The following DDX31 variants were observed in gnomAD, a reference collection of about 807,000 sequenced individuals.
The protein encoded by DDX31 is ATP-dependent DNA helicase DDX31.
A neutral mutation model predicts 91.3 loss-of-function variants in DDX31; 70 were observed. The observed-to-expected ratio is 0.77, with a 90% CI of 0.63 to 0.94. DDX31 has a LOEUF of 0.94. Ranked by LOEUF, DDX31 falls within the 40% of genes least tolerant of loss-of-function variation. DDX31 has a pLI of 0.00. For missense variants in DDX31, 902 were observed against 925.0 expected (o/e 0.98, Z 0.32); for synonymous variants, 362 against 350.6 (o/e 1.03, Z -0.36).
At chr9:132,606,967 G>C (rs1831065023) in intron 19 of DDX31, among the ~76,000 whole-genome samples, 1 of 152,184 alleles carries the variant, frequency 6.6e-6, no homozygotes, top group African/African-American at 2.4e-5. Flanking sequence ...AACCACCCCA[G>C]AGCTTTGCAA....
At chr9:132,622,378 T>C (rs1832084522) in intron 17 of DDX31, among the ~76,000 whole-genome samples, 1 of 152,128 alleles carries the variant, frequency 6.6e-6, no homozygotes, top group Non-Finnish European at 1.5e-5. Context: ...GGAGAAGAAT[T>C]TATGCTGCAA....
At chr9:132,610,053 C>G (rs1831239854) in intron 19 of DDX31, among the ~76,000 whole-genome samples, 1 of 152,174 alleles carries the variant, frequency 6.6e-6, no homozygotes, top group South Asian at 2.1e-4. Context: ...GCTGGGAAGC[C>G]TCATGGTTTC....
At chr9:132,623,630 C>T (rs527885092) in intron 17 of DDX31, among the ~76,000 whole-genome samples, 10 of 151,076 alleles carry the variant, frequency 6.6e-5, no homozygotes, top group South Asian at 4.2e-4. Context: ...AGATGAGGAA[C>T]GTGACCCTGA....
At chr9:132,659,872 G>T in intron 4 of DDX31, 92 bp from the exon 5 acceptor site, 1 of 1,195,380 alleles carries the variant, frequency 8.4e-7, no homozygotes, top group Non-Finnish European at 1.2e-6. Context: ...GCCCACACTT[G>T]GATTCATCTG....
intron 11 of DDX31, among the ~76,000 whole-genome samples, 190 bp downstream of exon 11, chr9:132,647,999 T>C (rs539996900): frequency 1.3e-5 from 2 of 152,092 alleles, no homozygotes; most frequent in Admixed American, 1.3e-4. Context: ...ATATCTGTCT[T>C]GGATGACTTG....
chr9:132,619,055 C>G (rs1259668284), intron 17 of DDX31, among the ~76,000 whole-genome samples: 3 of 152,208 alleles, frequency 2.0e-5, no homozygotes, highest in African/African-American at 7.2e-5. Flanking sequence ...ACAACACACT[C>G]AAAGACTGCC....
chr9:132,638,418 C>T, intron 14 of DDX31: 1 of 1,612,456 alleles, frequency 6.2e-7, no homozygotes, highest in Non-Finnish European at 8.5e-7. Flanking sequence ...GATATCTGAT[C>T]CCTTTGATTG....
chr9:132,598,477 A>G (rs569127137), intron 19 of DDX31, among the ~76,000 whole-genome samples: 93 of 152,316 alleles, frequency 6.1e-4, no homozygotes, highest in African/African-American at 2.1e-3. Flanking sequence ...TGAAGGCTGA[A>G]TAAACCCCCC....
chr9:132,666,491 T>C (rs910145995), intron 1 of DDX31, among the ~76,000 whole-genome samples: 2 of 152,072 alleles, frequency 1.3e-5, no homozygotes, highest in African/African-American at 4.8e-5. Context: ...CCTAATTTTC[T>C]ATAATAAATT....
At chr9:132,622,855 G>A (rs1332691707) in intron 17 of DDX31, among the ~76,000 whole-genome samples, 2 of 152,088 alleles carry the variant, frequency 1.3e-5, no homozygotes, top group African/African-American at 2.4e-5. Flanking sequence ...TTTGGGCCGC[G>A]TGTGGTGGCT....
chr9:132,629,117 C>T (rs147560615), intron 16 of DDX31, among the ~76,000 whole-genome samples: 96 of 152,366 alleles, frequency 6.3e-4, no homozygotes, highest in African/African-American at 2.2e-3. Context: ...AGAACTCAGC[C>T]GGAGAAGCAG....
chr9:132,611,030 C>G (rs551878164), intron 19 of DDX31, among the ~76,000 whole-genome samples: 3 of 152,272 alleles, frequency 2.0e-5, no homozygotes, highest in African/African-American at 7.2e-5. Flanking sequence ...AACGGAGAAG[C>G]CAGACATCGT....
intron 14 of DDX31, among the ~76,000 whole-genome samples, chr9:132,635,722 A>C (rs183788759): frequency 6.6e-6 from 1 of 151,816 alleles, no homozygotes; most frequent in Admixed American, 6.5e-5. Flanking sequence ...GAGGTGGGTG[A>C]ATCACCTGAG....
In DDX31 at chr9:132,650,142, G is replaced by C. The variant is rs898011445; in HGVS notation, c.740+92C>G. The C allele has an allele frequency of 8.9e-6, 11 of 1,240,390 alleles. No homozygotes were observed. The African/African-American group carries it at 1.5e-4, about 17-fold the overall frequency. 76.8% of individuals were successfully genotyped at this position (1,240,390 alleles called of 1,614,324 possible). ...ACTAGGAAGCAGAGCCTGAGACAAAGCTCTCAGCAGGTTTAGAAGGACCCA... is the reference window on the plus strand; with the variant it reads ...ACTAGGAAGCAGAGCCTGAGACAAACCTCTCAGCAGGTTTAGAAGGACCCA... On this transcript the variant is annotated intron_variant, in intron 9 of 19. Transcript: ENST00000372159.
intron 6 of DDX31, among the ~76,000 whole-genome samples, chr9:132,657,782 A>C (rs1446867137): frequency 6.6e-6 from 1 of 152,210 alleles, no homozygotes. Flanking sequence ...TTTGAGATGA[A>C]GCCTCTGCCC....
At chr9:132,643,975 T>C (rs1833659425) in intron 13 of DDX31, among the ~76,000 whole-genome samples, 1 of 149,948 alleles carries the variant, frequency 6.7e-6, no homozygotes, top group African/African-American at 2.4e-5. Flanking sequence ...ACCATGCAAA[T>C]AGTAACGTCT....
In DDX31 at chr9:132,594,931, T is replaced by C. The variant is rs1830358906; in HGVS notation, c.2176A>G (p.Thr726Ala). 2 of 1,614,154 alleles carry C rather than the reference T, an allele frequency of 1.2e-6. No individual in the cohort carries two copies. The highest frequency in any genetic ancestry group is 1.7e-6 in the Non-Finnish European group (2 of 1,180,034). The change falls in exon 20 of 20, where the codon ACA becomes GCA. Residue 726 changes from threonine to alanine, a missense_variant. Transcript: ENST00000372159. ...QPTPCFGRGK[T>A]LKWRKTQKGV... ...TTTTGGGTTTTTCTCCATTTTAATGTTTTCCCACGGCCAAAGCAGGGTGTC... is the reference window on the plus strand; with the variant it reads ...TTTTGGGTTTTTCTCCATTTTAATGCTTTCCCACGGCCAAAGCAGGGTGTC...
chr9:132,663,615 T>C (rs939561428), intron 1 of DDX31: 1 of 754,204 alleles, frequency 1.3e-6, no homozygotes, highest in Non-Finnish European at 1.6e-6. Context: ...CTTGTTATTC[T>C]GGAGTTTTGG....
chr9:132,665,939 G>A (rs919708349), intron 1 of DDX31, among the ~76,000 whole-genome samples: 11 of 152,114 alleles, frequency 7.2e-5, no homozygotes, highest in Non-Finnish European at 1.5e-5. Context: ...ACATTCTAGA[G>A]GCCTCACAAC....
Sources: gnomAD v4.1 joint callset for allele counts (sites outside exome capture counted in the v4.1 genomes callset) on GRCh38, gnomAD v4.1.1 for gene constraint, MANE v1.5 for transcripts, NCBI Gene and HGNC (gene_info 2026-07-23, HGNC 2026-07-21) for gene names.